Variants in CFAP52 observed in about 807,000 individuals in gnomAD.
CFAP52 encodes the protein cilia and flagella associated protein 52.
CFAP52 carries 57 observed loss-of-function variants against 70.5 expected under a neutral mutation model. The observed-to-expected ratio is 0.81, with a 90% confidence interval of 0.65 to 1.01. The LOEUF (loss-of-function observed/expected upper bound fraction) is 1.01. Among genes scored for constraint, CFAP52 ranks in the 50% least tolerant of loss-of-function variants. The pLI is 0.00. For missense variants in CFAP52, 785 were observed against 788.5 expected (o/e 1.00, Z 0.05); for synonymous variants, 267 against 292.5 (o/e 0.91, Z 0.89).
intron 3 of CFAP52, among the ~76,000 whole-genome samples, chr17:9,592,720 T>C (rs1012270929): frequency 3.3e-5 from 5 of 152,216 alleles, no homozygotes; most frequent in Non-Finnish European, 2.9e-5. Flanking sequence ...CAAATAGTAT[T>C]CCATTGTGTA....
At chr17:9,612,286 T>C in intron 7 of CFAP52, 23 bp from the exon 8 acceptor site, 2 of 1,611,386 alleles carry the variant, frequency 1.2e-6, no homozygotes, top group Non-Finnish European at 1.7e-6. Flanking sequence ...GAATCTACTT[T>C]ACTTTTGTGC....
intron 5 of CFAP52, 164 bp downstream of exon 5, chr17:9,598,497 C>T (rs1354795360): frequency 3.8e-6 from 2 of 525,804 alleles, no homozygotes; most frequent in African/African-American, 1.9e-5. Flanking sequence ...TGCAGTGGCT[C>T]ACGCCTGTAA....
intron 8 of CFAP52, among the ~76,000 whole-genome samples, chr17:9,617,262 A>C (rs1909958700): frequency 2.6e-4 from 1 of 3,776 alleles, no homozygotes; most frequent in Non-Finnish European, 3.7e-4. Flanking sequence ...ATGGAAGATG[A>C]AATGAATGAA....
intron 3 of CFAP52, among the ~76,000 whole-genome samples, chr17:9,588,369 C>T (rs907819055): frequency 3.3e-5 from 5 of 152,128 alleles, no homozygotes; most frequent in African/African-American, 9.7e-5. Flanking sequence ...TCAGCCCGCT[C>T]GTGCCCAGAG....
intron 8 of CFAP52, among the ~76,000 whole-genome samples, chr17:9,616,269 C>A (rs1300162594): frequency 1.4e-5 from 2 of 144,386 alleles, no homozygotes; most frequent in South Asian, 2.3e-4. Flanking sequence ...TCACTCCCAC[C>A]CGAATATTGC....
At chr17:9,634,059 A>G (rs924393709) in intron 10 of CFAP52, among the ~76,000 whole-genome samples, 2 of 152,128 alleles carry the variant, frequency 1.3e-5, no homozygotes, top group Non-Finnish European at 2.9e-5. Context: ...TTATTTTTAA[A>G]TGATCATGCT....
At chr17:9,584,867 C>T (rs1019519543) in intron 1 of CFAP52, among the ~76,000 whole-genome samples, 1 of 152,142 alleles carries the variant, frequency 6.6e-6, no homozygotes, top group Admixed American at 6.6e-5. Flanking sequence ...AGGTGATCCG[C>T]CTGCCTCGGC....
chr17:9,582,032 T>C (rs969391075), intron 1 of CFAP52, among the ~76,000 whole-genome samples: 5 of 152,226 alleles, frequency 3.3e-5, no homozygotes, highest in Non-Finnish European at 7.3e-5. Flanking sequence ...ATAATTCTTT[T>C]TCTGCTACAT....
At position 9,600,881 on chromosome 17, in the gene CFAP52, C is replaced by T. The variant is rs1909239767; in HGVS notation, c.753+698C>T. Among the ~76,000 whole-genome samples the T allele has an allele frequency of 2.0e-5, 3 of 152,168 alleles. No homozygotes were observed. In the South Asian group the frequency reaches 6.2e-4, roughly 32 times the overall value. ...TACATTGGCCAGTTCTCTATGCCCTCGTCTCTGGTTTTTATTCTGGGTAAA... is the reference window on the plus strand; with the variant it reads ...TACATTGGCCAGTTCTCTATGCCCTTGTCTCTGGTTTTTATTCTGGGTAAA... On this transcript the variant is annotated intron_variant, in intron 6 of 13. Transcript: ENST00000352665.
chr17:9,606,147 C>A (rs1909481427), intron 6 of CFAP52, among the ~76,000 whole-genome samples: 1 of 152,088 alleles, frequency 6.6e-6, no homozygotes, highest in Admixed American at 6.5e-5. Context: ...CTTTGGGAGG[C>A]CAAGGCAGGA....
chr17:9,586,751 C>G lies in CFAP52; in HGVS notation c.324C>G (p.Ser108=), dbSNP rs368543439. 62 of 1,613,694 alleles carry G rather than the reference C, an allele frequency of 3.8e-5. No homozygotes were observed. The African/African-American group carries it at 6.8e-4, about 18-fold the overall frequency. ...ACAGAGAGCTGCTTGCTCGGCTGTCCCTTCACAAAGGCAAAATTGAAGCTC... is the reference window on the plus strand; with the variant it reads ...ACAGAGAGCTGCTTGCTCGGCTGTCGCTTCACAAAGGCAAAATTGAAGCTC... The part of the protein sequence containing the change: ...YKNRELLARL[S]LHKGKIEALA... Residue 108 remains serine (S), a synonymous_variant, in exon 3 of 14, where the codon TCC becomes TCG. Coordinates refer to ENST00000352665, the MANE Select transcript of CFAP52 (RefSeq NM_145054.5).
At chr17:9,578,302 G>A (rs1045251618) in intron 1 of CFAP52, among the ~76,000 whole-genome samples, 7 of 152,038 alleles carry the variant, frequency 4.6e-5, no homozygotes, top group Non-Finnish European at 1.5e-5. Flanking sequence ...AGGACATGAC[G>A]GCACGTTAAG....
At chr17:9,614,595 ATTTGT>A (rs954143848) in intron 8 of CFAP52, among the ~76,000 whole-genome samples, 1 of 152,222 alleles carries the variant, frequency 6.6e-6, no homozygotes, top group Non-Finnish European at 1.5e-5. Flanking sequence ...ATAAAAATTC[ATTTGT>A]TTATTAAACA....
intron 6 of CFAP52, among the ~76,000 whole-genome samples, chr17:9,605,763 T>A (rs969457058): frequency 1.5e-5 from 2 of 137,656 alleles, no homozygotes; most frequent in African/African-American, 5.6e-5. Flanking sequence ...GAGGAGTGAA[T>A]GGGTAAAGCA....
chr17:9,641,298 G>T (rs1034689242), intron 12 of CFAP52, among the ~76,000 whole-genome samples: 32 of 152,138 alleles, frequency 2.1e-4, no homozygotes, highest in African/African-American at 7.5e-4. Context: ...CAGTGGGAGG[G>T]TGCCTGTACA....
At position 9,632,995 on chromosome 17, in the gene CFAP52, G is replaced by C. The variant is rs763410156; in HGVS notation, c.1282G>C (p.Asp428His). 1 of 1,614,194 alleles carries C rather than the reference G, an allele frequency of 6.2e-7. No homozygotes were observed. The highest frequency in any genetic ancestry group is 1.1e-5 in the South Asian group (1 of 91,062). ...CGTCACCGCCATCGCCACCACCAGT[G>C]ACTGTAAAAGGGTCATCAGTGGCGG... ...IGVTAIATTSDCKRVISGGGE... is the reference protein window; with the variant it reads ...IGVTAIATTSHCKRVISGGGE... Residue 428 changes from aspartate (D) to histidine (H), a missense_variant, in exon 10 of 14, where the codon GAC becomes CAC. Physicochemically the swap from Asp to His is moderately conservative, Grantham distance 81 (BLOSUM62 -1). Transcript: ENST00000352665.
chr17:9,580,077 A>T (rs1488622989), intron 1 of CFAP52, among the ~76,000 whole-genome samples: 1 of 152,234 alleles, frequency 6.6e-6, no homozygotes, highest in East Asian at 1.9e-4. Flanking sequence ...GTATACAAAG[A>T]GTTCTTGTAA....
chr17:9,644,448 CAAGT>C (rs2099809551), downstream of CFAP52, among the ~76,000 whole-genome samples: 1 of 151,868 alleles, frequency 6.6e-6, no homozygotes. Context: ...TATTAAACAA[CAAGT>C]AACATTTCAG....
chr17:9,614,374 G>A (rs529921221), intron 8 of CFAP52, among the ~76,000 whole-genome samples: 2 of 151,946 alleles, frequency 1.3e-5, no homozygotes, highest in African/African-American at 2.4e-5. Context: ...CCAGCTGGTC[G>A]CGAGCTCCCA....
Sources: allele counts gnomAD v4.1 joint callset (sites outside exome capture counted in the v4.1 genomes callset), GRCh38; gene constraint gnomAD v4.1.1; transcripts MANE v1.5; gene names NCBI Gene and HGNC (gene_info 2026-07-23, HGNC 2026-07-21).